The following TMC1 variants were observed in gnomAD, a reference collection of about 807,000 sequenced individuals.
TMC1 encodes transmembrane channel like 1.
TMC1 carries 84 observed loss-of-function variants against 105.8 expected under a neutral mutation model. The observed-to-expected ratio is 0.79, with a 90% CI of 0.67 to 0.95. The LOEUF is 0.95. Ranked by LOEUF, TMC1 falls within the 40% of genes least tolerant of loss-of-function variation. TMC1 has a pLI of 0.00. For missense variants in TMC1, 817 were observed against 914.1 expected (o/e 0.89, Z 1.37); for synonymous variants, 315 against 311.5 (o/e 1.01, Z -0.12).
chr9:72,828,529 GC>G (rs1356431901), intron 21 of TMC1, among the ~76,000 whole-genome samples: 1 of 152,174 alleles, frequency 6.6e-6, no homozygotes, highest in East Asian at 1.9e-4. Flanking sequence ...TTGTTCAAAT[GC>G]CTTAATCCAA....
intron 8 of TMC1, among the ~76,000 whole-genome samples, chr9:72,738,851 C>T (rs573396891): frequency 6.6e-6 from 1 of 152,238 alleles, no homozygotes; most frequent in Non-Finnish European, 1.5e-5. Context: ...ACTTGTGGAA[C>T]CACAATCCAG....
chr9:72,760,121 G>C (rs1237518117), intron 12 of TMC1, among the ~76,000 whole-genome samples: 1 of 151,866 alleles, frequency 6.6e-6, no homozygotes, highest in Non-Finnish European at 1.5e-5. Flanking sequence ...ATTCATAATG[G>C]AAAATCATAC....
chr9:72,803,322 G>A (rs541541093), intron 17 of TMC1, among the ~76,000 whole-genome samples: 38 of 152,100 alleles, frequency 2.5e-4, no homozygotes, highest in Non-Finnish European at 4.9e-4. Context: ...ATAGGCATGG[G>A]CAAAGATTTC....
intron 1 of TMC1, among the ~76,000 whole-genome samples, chr9:72,542,406 G>C (rs945851465): frequency 2.2e-4 from 33 of 152,074 alleles, no homozygotes; most frequent in African/African-American, 7.2e-4. Flanking sequence ...GTTGCAGTGA[G>C]CTGAGGTAGC....
At chr9:72,623,520 A>G (rs1825293582) in intron 3 of TMC1, among the ~76,000 whole-genome samples, 3 of 152,196 alleles carry the variant, frequency 2.0e-5, no homozygotes, top group Admixed American at 2.0e-4. Context: ...TACTCCAAGA[A>G]ATAAGATCTT....
At chr9:72,677,653 C>G (rs976657318) in intron 5 of TMC1, among the ~76,000 whole-genome samples, 1 of 152,132 alleles carries the variant, frequency 6.6e-6, no homozygotes, top group African/African-American at 2.4e-5. Flanking sequence ...CAGATATAGA[C>G]AATCAATTAT....
intron 20 of TMC1, among the ~76,000 whole-genome samples, chr9:72,823,270 T>G (rs1363211759): frequency 6.6e-6 from 1 of 152,172 alleles, no homozygotes; most frequent in African/African-American, 2.4e-5. Context: ...AGGATTGTCC[T>G]GCTCTAGAAA....
intron 5 of TMC1, among the ~76,000 whole-genome samples, chr9:72,653,632 A>G (rs1217015800): frequency 1.3e-5 from 2 of 152,178 alleles, no homozygotes; most frequent in Non-Finnish European, 2.9e-5. Flanking sequence ...TTTAGGCACA[A>G]TATACTATAT....
At chr9:72,791,405 A>G (rs774660506) in intron 15 of TMC1, among the ~76,000 whole-genome samples, 38 of 152,212 alleles carry the variant, frequency 2.5e-4, no homozygotes, top group Non-Finnish European at 4.9e-4. Flanking sequence ...CCAAAATTCA[A>G]TATTTAGGCC....
intron 18 of TMC1, 76 bp from the exon 19 acceptor site, chr9:72,816,067 T>G (rs1828782525): frequency 1.5e-6 from 2 of 1,297,310 alleles, no homozygotes; most frequent in African/African-American, 2.9e-5. Flanking sequence ...ACCCTAGCCA[T>G]GCCTATGCAG....
At chr9:72,803,363 A>G (rs990422398) in intron 17 of TMC1, among the ~76,000 whole-genome samples, 2 of 152,224 alleles carry the variant, frequency 1.3e-5, no homozygotes, top group African/African-American at 2.4e-5. Context: ...AATTGCAACA[A>G]AAACAAAAAT....
chr9:72,621,822 C>T (rs1040120487), intron 3 of TMC1, among the ~76,000 whole-genome samples: 6 of 152,066 alleles, frequency 3.9e-5, no homozygotes, highest in Non-Finnish European at 7.4e-5. Context: ...TTATTATATA[C>T]TCAAATATTT....
At chr9:72,591,669 C>T (rs1296768579) in intron 2 of TMC1, among the ~76,000 whole-genome samples, 1 of 152,166 alleles carries the variant, frequency 6.6e-6, no homozygotes, top group Non-Finnish European at 1.5e-5. Flanking sequence ...CTCCTAGGCT[C>T]AAGCAATCCT....
At position 72,601,124 on chromosome 9, in the gene TMC1, CAGG is replaced by C. The variant is rs201364905; in HGVS notation, c.-305-15241_-305-15239del. Among the ~76,000 whole-genome samples, 481 of 151,086 alleles carry C rather than the reference CAGG, an allele frequency of 3.2e-3. 14 individuals carry two copies. The highest frequency in any genetic ancestry group is 0.029 in the Admixed American group (435 of 15,146). ...CTGAGGCAGGAGGATTGCTTGAGACCAGGAGATTAGGACCAACCTAGGCAACAT... is the reference window on the plus strand; with the variant it reads ...CTGAGGCAGGAGGATTGCTTGAGACCAGATTAGGACCAACCTAGGCAACAT... On this transcript the variant is annotated intron_variant, in intron 2 of 23. Transcript: ENST00000297784.
intron 13 of TMC1, among the ~76,000 whole-genome samples, chr9:72,774,387 T>G (rs1019637835): frequency 6.6e-6 from 1 of 152,132 alleles, no homozygotes; most frequent in Non-Finnish European, 1.5e-5. Context: ...CAATATAAAA[T>G]TATTATTGAG....
At chr9:72,807,579 T>C (rs1431103976) in intron 18 of TMC1, among the ~76,000 whole-genome samples, 1 of 152,212 alleles carries the variant, frequency 6.6e-6, no homozygotes, top group East Asian at 1.9e-4. Flanking sequence ...TTACTAGCAT[T>C]TCTAGAAGCA....
intron 2 of TMC1, among the ~76,000 whole-genome samples, chr9:72,580,007 G>A (rs904182709): frequency 1.8e-4 from 28 of 152,194 alleles, no homozygotes; most frequent in South Asian, 8.3e-4. Flanking sequence ...GCACAATTAA[G>A]AAATGGCTAA....
At chr9:72,802,320 G>A (rs1448783811) in intron 17 of TMC1, among the ~76,000 whole-genome samples, 1 of 152,080 alleles carries the variant, frequency 6.6e-6, no homozygotes, top group African/African-American at 2.4e-5. Flanking sequence ...AGGAGACAAA[G>A]AGTAGGAAGG....
At chr9:72,686,430 C>A (rs1436491049) in intron 5 of TMC1, among the ~76,000 whole-genome samples, 1 of 152,188 alleles carries the variant, frequency 6.6e-6, no homozygotes, top group African/African-American at 2.4e-5. Context: ...AGGTTTTTGT[C>A]TTGGAGGGAG....
Sources: allele counts gnomAD v4.1 joint callset (sites outside exome capture counted in the v4.1 genomes callset), GRCh38; gene constraint gnomAD v4.1.1; transcripts MANE v1.5; gene names NCBI Gene and HGNC (gene_info 2026-07-23, HGNC 2026-07-21).